TMED10: variants seen among roughly 807,000 people sequenced by gnomAD.
TMED10 encodes transmembrane p24 trafficking protein 10.
A neutral mutation model predicts 23.1 loss-of-function variants in TMED10; 7 were observed. That is an observed-to-expected ratio of 0.30 (90% CI 0.17 to 0.57). TMED10 has a LOEUF of 0.57. Ranked by LOEUF, TMED10 falls within the 20% of genes least tolerant of loss-of-function variation. TMED10 has a pLI of 0.91. For synonymous variants in TMED10, 113 were observed against 106.9 expected (o/e 1.06, Z -0.35); for missense variants, 162 against 274.8 (o/e 0.59, Z 2.90).
chr14:75,137,563 T>TA (rs1204220342), intron 3 of TMED10, among the ~76,000 whole-genome samples: 1 of 149,106 alleles, frequency 6.7e-6, no homozygotes, highest in African/African-American at 2.5e-5. Context: ...TAGTCCCAGC[T>TA]ACTCGGGAGG....
chr14:75,135,515 A>C, intron 4 of TMED10: 2 of 418,972 alleles, frequency 4.8e-6, no homozygotes, highest in Non-Finnish European at 8.5e-6. Flanking sequence ...GATTGGTGCT[A>C]TCAGTTTGAT....
At chr14:75,165,553 G>A (rs778070875) in intron 1 of TMED10, among the ~76,000 whole-genome samples, 26 of 152,120 alleles carry the variant, frequency 1.7e-4, no homozygotes, top group Non-Finnish European at 2.5e-4. Flanking sequence ...AGGGACCACT[G>A]TATCTCAAAA....
At chr14:75,147,637 T>G (rs375500253) in intron 3 of TMED10, 27 bp downstream of exon 3, 1 of 1,612,744 alleles carries the variant, frequency 6.2e-7, no homozygotes, top group Non-Finnish European at 8.5e-7. Context: ...CACTGCTGCC[T>G]CCTCTGGCTG....
chr14:75,160,606 A>G (rs1049203120), intron 1 of TMED10, among the ~76,000 whole-genome samples: 3 of 152,194 alleles, frequency 2.0e-5, no homozygotes, highest in Non-Finnish European at 4.4e-5. Context: ...ATAAATACTT[A>G]TAATAGTGAT....
intron 3 of TMED10, among the ~76,000 whole-genome samples, chr14:75,146,780 CT>C (rs1432626005): frequency 1.3e-5 from 2 of 152,164 alleles, no homozygotes; most frequent in Non-Finnish European, 2.9e-5. Context: ...TCTCTTGCAG[CT>C]TTTTCCTCCA....
intron 1 of TMED10, among the ~76,000 whole-genome samples, chr14:75,156,401 T>TA (rs1180769867): frequency 6.6e-6 from 1 of 151,730 alleles, no homozygotes; most frequent in Admixed American, 6.6e-5. Flanking sequence ...TTTAAGGAGG[T>TA]AGAGTCTACA....
intron 1 of TMED10, among the ~76,000 whole-genome samples, chr14:75,161,645 TAACAATG>T (rs1238776517): frequency 1.3e-5 from 2 of 152,104 alleles, no homozygotes; most frequent in Non-Finnish European, 2.9e-5. Flanking sequence ...TGACCCTCCC[TAACAATG>T]AATGACCTGA....
chr14:75,137,176 A>G (rs1201912887), intron 3 of TMED10, among the ~76,000 whole-genome samples: 2 of 151,366 alleles, frequency 1.3e-5, no homozygotes, highest in Non-Finnish European at 2.9e-5. Flanking sequence ...ACACCCAGCT[A>G]ATTTTTTGTA....
At chr14:75,147,522 G>GT in intron 3 of TMED10, 142 bp downstream of exon 3, 1 of 897,224 alleles carries the variant, frequency 1.1e-6, no homozygotes, top group Non-Finnish European at 1.8e-6. Flanking sequence ...TTTTGTATCA[G>GT]TAAGATCATG....
intron 1 of TMED10, among the ~76,000 whole-genome samples, chr14:75,166,257 T>C (rs763055634): frequency 2.0e-5 from 3 of 152,198 alleles, no homozygotes; most frequent in Non-Finnish European, 2.9e-5. Flanking sequence ...ATAAAGCAGA[T>C]GACATCAACC....
chr14:75,138,674 G>T (rs1895782752), intron 3 of TMED10, among the ~76,000 whole-genome samples: 1 of 152,080 alleles, frequency 6.6e-6, no homozygotes, highest in South Asian at 2.1e-4. Flanking sequence ...ACTTCTTAGA[G>T]ATAAATTATT....
At chr14:75,137,712 T>C (rs376412501) in intron 3 of TMED10, among the ~76,000 whole-genome samples, 7 of 71,412 alleles carry the variant, frequency 9.8e-5, no homozygotes, top group East Asian at 4.8e-4. Context: ...TTCTTTCTTT[T>C]TTTTTTTTTT....
chr14:75,170,560 T>C (rs1196111193), intron 1 of TMED10, among the ~76,000 whole-genome samples: 1 of 152,090 alleles, frequency 6.6e-6, no homozygotes, highest in Non-Finnish European at 1.5e-5. Context: ...AGGGACAAAT[T>C]GGGCATAAAG....
chr14:75,163,547 CG>C (rs1896110924), intron 1 of TMED10, among the ~76,000 whole-genome samples: 1 of 112,024 alleles, frequency 8.9e-6, no homozygotes, highest in South Asian at 3.3e-4. Context: ...AGTGAGACTC[CG>C]TATCAAAAAA....
intron 1 of TMED10, among the ~76,000 whole-genome samples, chr14:75,174,769 G>T (rs1356490485): frequency 6.6e-6 from 1 of 151,934 alleles, no homozygotes; most frequent in Admixed American, 6.6e-5. Context: ...GAGGCCAGGC[G>T]CGGTGGCTTA....
chr14:75,165,051 GGAAA>G (rs2049769679), intron 1 of TMED10, among the ~76,000 whole-genome samples: 1 of 151,928 alleles, frequency 6.6e-6, no homozygotes, highest in Admixed American at 6.6e-5. Context: ...TAGATATGGC[GGAAA>G]GAGAGAGAGG....
intron 1 of TMED10, among the ~76,000 whole-genome samples, chr14:75,158,121 G>C (rs1896043410): frequency 6.6e-6 from 1 of 152,132 alleles, no homozygotes; most frequent in East Asian, 1.9e-4. Flanking sequence ...TCAGAGTTGA[G>C]AGTCCTCTCA....
At chr14:75,140,555 A>T (rs1282017074) in intron 3 of TMED10, among the ~76,000 whole-genome samples, 1 of 152,144 alleles carries the variant, frequency 6.6e-6, no homozygotes, top group East Asian at 1.9e-4. Context: ...TAAAATTACA[A>T]AAATTAGCTG....
intron 2 of TMED10, 132 bp from the exon 3 acceptor site, chr14:75,147,869 C>G (rs1218981473): frequency 1.2e-6 from 1 of 819,014 alleles, no homozygotes; most frequent in African/African-American, 1.7e-5. Flanking sequence ...ACTCCTCCCC[C>G]TGCTCAGTTG....
Sources: allele counts gnomAD v4.1 joint callset (sites outside exome capture counted in the v4.1 genomes callset), GRCh38; gene constraint gnomAD v4.1.1; transcripts MANE v1.5; gene names NCBI Gene and HGNC (gene_info 2026-07-23, HGNC 2026-07-21).